ARHGEF7: variants seen among roughly 807,000 people sequenced by gnomAD.
The protein encoded by ARHGEF7 is Rho guanine nucleotide exchange factor 7, also known as PAK-interacting exchange factor beta.
In ARHGEF7, 33 loss-of-function variants were observed where a neutral mutation model predicts 109.8. The ratio of observed to expected loss-of-function variants is 0.30; its 90% CI spans 0.23 to 0.40. The LOEUF is 0.40. Ranked by LOEUF, ARHGEF7 falls within the 10% of genes least tolerant of loss-of-function variation. The pLI is 1.00. For synonymous variants in ARHGEF7, 458 were observed against 424.6 expected, an observed-to-expected ratio of 1.08 and a Z score of -0.97; for missense variants, 938 against 1,098.5, an observed-to-expected ratio of 0.85 and a Z score of 2.07.
intron 1 of ARHGEF7, among the ~76,000 whole-genome samples, chr13:111,128,340 T>G (rs185324689): frequency 6.6e-6 from 1 of 152,318 alleles, no homozygotes; most frequent in African/African-American, 2.4e-5. Context: ...CTAGAACTAG[T>G]AAGTCAGCTG....
intron 11 of ARHGEF7, 127 bp downstream of exon 11, chr13:111,274,917 T>A (rs1472402135): frequency 1.8e-6 from 1 of 571,184 alleles, no homozygotes; most frequent in Non-Finnish European, 2.7e-6. Context: ...AAAAACAGAG[T>A]CGGCATTCTG....
intron 5 of ARHGEF7, among the ~76,000 whole-genome samples, chr13:111,227,222 G>A (rs915264642): frequency 6.6e-6 from 1 of 152,360 alleles, no homozygotes; most frequent in Non-Finnish European, 1.5e-5. Context: ...TGATAAAGTG[G>A]TAGCAGGGTT....
At chr13:111,248,470 C>T (rs1030540476) in intron 8 of ARHGEF7, among the ~76,000 whole-genome samples, 2 of 152,078 alleles carry the variant, frequency 1.3e-5, no homozygotes, top group African/African-American at 4.8e-5. Context: ...TGCTGCTTTA[C>T]TGTTTCTACT....
chr13:111,288,577 G>C, intron 18 of ARHGEF7, 134 bp downstream of exon 18: 1 of 521,570 alleles, frequency 1.9e-6, no homozygotes, highest in Non-Finnish European at 3.3e-6. Flanking sequence ...TGATGTTTCA[G>C]TCAGGGGTGG....
At position 111,303,230 on chromosome 13, in the gene ARHGEF7, C is replaced by T; in HGVS notation, c.*117C>T. The T allele has an allele frequency of 1.0e-6, 1 of 957,408 alleles. No individual in the cohort carries two copies. Among genetic ancestry groups the T allele is most frequent in the East Asian group, 2.6e-5 (1 of 37,752 alleles). The allele number at this position is 957,408 out of a possible 1,614,324, so 59.3% of individuals were successfully genotyped here. A position where few individuals can be genotyped will look rare whatever the true frequency, so the allele number is the denominator to read the frequency against. On this transcript the variant is annotated 3_prime_UTR_variant, in exon 22 of 22. Coordinates refer to ENST00000646102, the MANE Select transcript of ARHGEF7 (RefSeq NM_001354046.2). ...CAGGGCTGGGTGGGGCGCCACCTTG[C>T]TCTCTGTATATAGAAAAGCTGGAGC...
intron 2 of ARHGEF7, among the ~76,000 whole-genome samples, chr13:111,154,938 A>G (rs1403717601): frequency 1.3e-5 from 2 of 152,150 alleles, no homozygotes; most frequent in Non-Finnish European, 2.9e-5. Context: ...GGCCCTCCGT[A>G]TCCAAGGTTA....
intron 8 of ARHGEF7, among the ~76,000 whole-genome samples, chr13:111,256,161 T>C (rs1014222480): frequency 1.3e-5 from 2 of 152,336 alleles, no homozygotes; most frequent in African/African-American, 4.8e-5. Context: ...ATTAGTAGGC[T>C]GTAGCTATGG....
At chr13:111,300,705 G>T in intron 19 of ARHGEF7, 43 bp from the exon 20 acceptor site, 2 of 1,306,486 alleles carry the variant, frequency 1.5e-6, no homozygotes, top group South Asian at 2.6e-5. Context: ...ATTCTGCCAT[G>T]GTATTCGCCT....
chr13:111,116,592 A>G (rs1367221800), intron 1 of ARHGEF7: 3 of 152,128 alleles, frequency 2.0e-5, no homozygotes, highest in African/African-American at 4.8e-5. Flanking sequence ...TGGCCAATAT[A>G]TAGCGTTAAG....
intron 2 of ARHGEF7, among the ~76,000 whole-genome samples, chr13:111,180,084 G>A (rs1188541941): frequency 6.6e-6 from 1 of 152,196 alleles, no homozygotes. Context: ...GGTGGTTCAG[G>A]TGGTTCTCAG....
At chr13:111,238,549 A>C (rs1036984386) in intron 6 of ARHGEF7, among the ~76,000 whole-genome samples, 1 of 152,226 alleles carries the variant, frequency 6.6e-6, no homozygotes. Context: ...GCTGTAGCCA[A>C]GGTGGCCTGA....
intron 8 of ARHGEF7, among the ~76,000 whole-genome samples, chr13:111,244,521 TC>T (rs750825432): frequency 6.6e-6 from 1 of 152,190 alleles, no homozygotes; most frequent in Non-Finnish European, 1.5e-5. Context: ...TTTAAGGTGT[TC>T]CATGGAGGAA....
chr13:111,156,319 T>A (rs977298488), intron 2 of ARHGEF7, among the ~76,000 whole-genome samples: 6 of 152,226 alleles, frequency 3.9e-5, no homozygotes, highest in African/African-American at 1.4e-4. Context: ...TTGTAAGTGA[T>A]AGCAAGTGAG....
intron 9 of ARHGEF7, among the ~76,000 whole-genome samples, chr13:111,271,653 CAA>C (rs1400864859): frequency 6.6e-6 from 1 of 152,222 alleles, no homozygotes; most frequent in Non-Finnish European, 1.5e-5. Context: ...CTCTCTCTCA[CAA>C]AGACAGACAC....
intron 2 of ARHGEF7, among the ~76,000 whole-genome samples, chr13:111,158,004 C>T (rs1215841921): frequency 1.3e-5 from 2 of 152,130 alleles, no homozygotes; most frequent in East Asian, 1.9e-4. Context: ...TTTTTTATTT[C>T]AAGAGCTGAA....
At position 111,292,199 on chromosome 13, in the gene ARHGEF7, G is replaced by A; in HGVS notation, c.2216G>A (p.Ser739Asn). Residue 739 changes from serine to asparagine, a missense_variant, in exon 19 of 22, where the codon AGT (serine) becomes AAT (asparagine). Ser to Asn is a conservative substitution (Grantham distance 46, BLOSUM62 1). Coordinates refer to ENST00000646102, the MANE Select transcript of ARHGEF7 (RefSeq NM_001354046.2). ...QPSLDSLGRRSSLSRLEPSDL... is the reference protein window; with the variant it reads ...QPSLDSLGRRNSLSRLEPSDL... ...AGCCTAGACTCCCTGGGGCGTCGCA[G>A]TAGCCTTTCTCGTTTGGAGCCTTCA... is the stretch of plus-strand genomic sequence containing the variant. The A allele has an allele frequency of 3.1e-6, 5 of 1,614,174 alleles. No homozygotes were observed. The highest frequency in any genetic ancestry group is 4.2e-6 in the Non-Finnish European group (5 of 1,180,046).
At chr13:111,227,119 G>T (rs1339609048) in intron 5 of ARHGEF7, among the ~76,000 whole-genome samples, 1 of 152,240 alleles carries the variant, frequency 6.6e-6, no homozygotes, top group Non-Finnish European at 1.5e-5. Flanking sequence ...GCTGAGCAAA[G>T]AATGTGGTTT....
intron 3 of ARHGEF7, among the ~76,000 whole-genome samples, chr13:111,206,305 C>G (rs1202593721): frequency 6.6e-6 from 1 of 152,054 alleles, no homozygotes; most frequent in Non-Finnish European, 1.5e-5. Flanking sequence ...GCTGCAGTTC[C>G]TGGCTCCCGG....
intron 3 of ARHGEF7, among the ~76,000 whole-genome samples, chr13:111,207,407 A>C (rs552158472): frequency 2.6e-4 from 40 of 152,204 alleles, no homozygotes; most frequent in Non-Finnish European, 5.7e-4. Flanking sequence ...AGCTCAAGCT[A>C]TCTGCCTGCC....
Sources: allele counts gnomAD v4.1 joint callset (sites outside exome capture counted in the v4.1 genomes callset), GRCh38; gene constraint gnomAD v4.1.1; transcripts MANE v1.5; gene names NCBI Gene and HGNC (gene_info 2026-07-23, HGNC 2026-07-21).